Variants in MAGI2 observed in about 807,000 individuals in gnomAD.
MAGI2 encodes the protein membrane-associated guanylate kinase, WW and PDZ domain-containing protein 2.
In MAGI2, 35 loss-of-function variants were observed where a neutral mutation model predicts 133.3. The observed-to-expected ratio is 0.26, with a 90% CI of 0.20 to 0.35. The LOEUF is 0.35. Among genes scored for constraint, MAGI2 ranks in the 10% least tolerant of loss-of-function variants. MAGI2 has a pLI of 1.00. For synonymous variants in MAGI2, 729 were observed against 710.6 expected, an observed-to-expected ratio of 1.03 and a Z score of -0.41; for missense variants, 1,636 against 1,863.4, an observed-to-expected ratio of 0.88 and a Z score of 2.25.
At chr7:79,392,477 A>C (rs1343042006) in intron 1 of MAGI2, among the ~76,000 whole-genome samples, 2 of 152,206 alleles carry the variant, frequency 1.3e-5, no homozygotes, top group African/African-American at 2.4e-5. Flanking sequence ...TCCCACCAAC[A>C]GTGTAAAAGC....
At chr7:78,491,853 G>A (rs1793638118) in intron 5 of MAGI2, among the ~76,000 whole-genome samples, 1 of 148,076 alleles carries the variant, frequency 6.8e-6, no homozygotes, top group Non-Finnish European at 1.5e-5. Context: ...GCCCTTTATA[G>A]ACATGCCTCC....
In MAGI2 at chr7:79,161,170, G is replaced by T. The variant is rs1288323314; in HGVS notation, c.302-153964C>A. On this transcript the variant is annotated intron_variant, in intron 1 of 21. Coordinates refer to ENST00000354212, the MANE Select transcript of MAGI2 (RefSeq NM_012301.4). ...TTTACCTAAATGTCTTATGAAAATGGGTAATGCATCTGACTGGGGATGTTA... is the reference window on the plus strand; with the variant it reads ...TTTACCTAAATGTCTTATGAAAATGTGTAATGCATCTGACTGGGGATGTTA... Among the ~76,000 whole-genome samples the T allele has an allele frequency of 3.3e-5, 5 of 151,930 alleles. No homozygotes were observed. The East Asian group carries it at 9.7e-4, about 29-fold the overall frequency.
chr7:78,517,816 G>C (rs1439175192), intron 4 of MAGI2, among the ~76,000 whole-genome samples: 1 of 152,082 alleles, frequency 6.6e-6, no homozygotes, highest in East Asian at 1.9e-4. Context: ...ATTTTGAGCA[G>C]AAGGAAAGAA....
chr7:79,126,346 G>GTCCCATCC (rs1393116972), intron 1 of MAGI2, among the ~76,000 whole-genome samples: 1 of 152,162 alleles, frequency 6.6e-6, no homozygotes, highest in African/African-American at 2.4e-5. Flanking sequence ...CAAGGTGTGT[G>GTCCCATCC]TCCCATCCAA....
intron 18 of MAGI2, among the ~76,000 whole-genome samples, chr7:78,132,167 A>G (rs183718284): frequency 1.3e-5 from 2 of 152,164 alleles, no homozygotes; most frequent in Non-Finnish European, 2.9e-5. Context: ...GAGCCACCAC[A>G]CTGGCTGCTA....
intron 16 of MAGI2, among the ~76,000 whole-genome samples, chr7:78,157,265 G>T (rs2150598571): frequency 6.6e-6 from 1 of 152,208 alleles, no homozygotes; most frequent in Admixed American, 6.5e-5. Flanking sequence ...ATAAACATGT[G>T]AAGAAAAGCC....
At chr7:78,550,822 T>A (rs1036119207) in intron 3 of MAGI2, among the ~76,000 whole-genome samples, 6 of 152,054 alleles carry the variant, frequency 3.9e-5, no homozygotes, top group African/African-American at 1.4e-4. Flanking sequence ...TAATGACCAA[T>A]TTCCATAGAG....
intron 6 of MAGI2, among the ~76,000 whole-genome samples, chr7:78,396,384 T>C (rs891798152): frequency 6.6e-5 from 10 of 152,154 alleles, no homozygotes; most frequent in Admixed American, 2.0e-4. Flanking sequence ...CTGGTTTTTT[T>C]CCTTTGTGTT....
chr7:78,410,058 G>A (rs73144462), intron 6 of MAGI2, among the ~76,000 whole-genome samples: 6,591 of 151,924 alleles, frequency 0.043, 168 homozygotes, highest in South Asian at 0.077. Context: ...AAAGCTGATG[G>A]TCTCAGTCCA....
chr7:78,934,196 G>A (rs1459871369), intron 2 of MAGI2, among the ~76,000 whole-genome samples: 1 of 152,242 alleles, frequency 6.6e-6, no homozygotes, highest in African/African-American at 2.4e-5. Context: ...TTGTCTCCCA[G>A]GTTCAAGCAA....
At chr7:78,081,762 G>T (rs921014964) in intron 20 of MAGI2, among the ~76,000 whole-genome samples, 1 of 152,326 alleles carries the variant, frequency 6.6e-6, no homozygotes, top group Admixed American at 6.5e-5. Context: ...GGGAAGCTGA[G>T]TGGTGGTTAG....
intron 2 of MAGI2, among the ~76,000 whole-genome samples, chr7:78,885,628 A>AGT (rs61111430): frequency 0.31 from 45,965 of 148,844 alleles, 7,269 homozygotes; most frequent in East Asian, 0.46. Flanking sequence ...TGAAAGGAAT[A>AGT]GTGTGTGTGT....
At chr7:79,247,268 T>C (rs1050298146) in intron 1 of MAGI2, among the ~76,000 whole-genome samples, 1 of 152,186 alleles carries the variant, frequency 6.6e-6, no homozygotes, top group Non-Finnish European at 1.5e-5. Flanking sequence ...ACTTTAATTG[T>C]GATGTGAATA....
intron 12 of MAGI2, among the ~76,000 whole-genome samples, chr7:78,192,481 TA>T (rs1337289465): frequency 6.7e-6 from 1 of 149,736 alleles, no homozygotes; most frequent in East Asian, 2.0e-4. Flanking sequence ...CATGAGAAAA[TA>T]AAACTTGGAA....
chr7:78,995,077 G>T (rs535496154), intron 2 of MAGI2, among the ~76,000 whole-genome samples: 1 of 152,146 alleles, frequency 6.6e-6, no homozygotes, highest in African/African-American at 2.4e-5. Context: ...TAAAAGGTTT[G>T]CAGGGATGTC....
At chr7:78,764,617 A>G (rs376890668) in intron 2 of MAGI2, among the ~76,000 whole-genome samples, 30 of 152,270 alleles carry the variant, frequency 2.0e-4, no homozygotes, top group African/African-American at 6.5e-4. Context: ...TATTGGTCAT[A>G]GTTTGCTTGA....
chr7:78,380,491 G>C (rs1157214683), intron 6 of MAGI2, among the ~76,000 whole-genome samples: 1 of 152,044 alleles, frequency 6.6e-6, no homozygotes, highest in Non-Finnish European at 1.5e-5. Flanking sequence ...AACAAGCCAG[G>C]CACAGAAAGA....
chr7:78,773,206 C>T (rs979352555), intron 2 of MAGI2, among the ~76,000 whole-genome samples: 1 of 151,988 alleles, frequency 6.6e-6, no homozygotes, highest in African/African-American at 2.4e-5. Flanking sequence ...CTTTCAGGCT[C>T]CAAGCTATTC....
intron 2 of MAGI2, among the ~76,000 whole-genome samples, chr7:78,653,111 C>T (rs553973962): frequency 5.3e-5 from 8 of 152,154 alleles, no homozygotes; most frequent in Non-Finnish European, 8.8e-5. Context: ...GTTAGAATGG[C>T]GATCATTAAA....
Sources: allele counts gnomAD v4.1 joint callset (sites outside exome capture counted in the v4.1 genomes callset), GRCh38; gene constraint gnomAD v4.1.1; transcripts MANE v1.5; gene names NCBI Gene and HGNC (gene_info 2026-07-23, HGNC 2026-07-21).